ZSWIM5: variants seen among roughly 807,000 people sequenced by gnomAD.
ZSWIM5 encodes the protein zinc finger SWIM-type containing 5.
ZSWIM5 carries 55 observed loss-of-function variants against 119.6 expected under a neutral mutation model. That is an observed-to-expected ratio of 0.46 (90% CI 0.37 to 0.58). The LOEUF (loss-of-function observed/expected upper bound fraction) is 0.58, where lower values mean the gene tolerates loss of function less well. Among genes scored for constraint, ZSWIM5 ranks in the 20% least tolerant of loss-of-function variants. The pLI is 0.00. For synonymous variants in ZSWIM5, 537 were observed against 606.9 expected, an observed-to-expected ratio of 0.88 and a Z score of 1.69; for missense variants, 1,193 against 1,512.8, an observed-to-expected ratio of 0.79 and a Z score of 3.51.
At chr1:45,160,408 C>T (rs1041424021) in intron 1 of ZSWIM5, among the ~76,000 whole-genome samples, 2 of 152,148 alleles carry the variant, frequency 1.3e-5, no homozygotes, top group Non-Finnish European at 1.5e-5. Flanking sequence ...CTTCTATCAT[C>T]AACCTCTCTT....
rs1236398095 is a variant in ZSWIM5 at position 45,047,500 on chromosome 1, T to C, written c.1432+3574A>G. 2.6e-5 allele frequency among the ~76,000 whole-genome samples: 4 copies of C among 152,212 alleles called. No homozygotes were observed. In the East Asian group the frequency reaches 7.7e-4, roughly 29 times the overall value. ...GCACGTGGAGTCATGAGAGTGTTTT[T>C]TGTTTTGTTTTGGTATGGGAAATAT... On this transcript the variant is annotated intron_variant, in intron 5 of 13. Transcript: ENST00000359600.
chr1:45,061,349 T>C lies in ZSWIM5; in HGVS notation c.953-1102A>G, dbSNP rs1219985512. On this transcript the variant is annotated intron_variant, in intron 2 of 13. Transcript: ENST00000359600. ...AATTGTGTGTATATATGGGGTACAATGTAATGTTTTAATCTATGCATACTT... is the reference window on the plus strand; with the variant it reads ...AATTGTGTGTATATATGGGGTACAACGTAATGTTTTAATCTATGCATACTT... Among the ~76,000 whole-genome samples, 6 of 151,594 alleles carry C rather than the reference T, an allele frequency of 4.0e-5. No homozygotes were observed. The East Asian group carries it at 1.2e-3, about 30-fold the overall frequency.
chr1:45,172,400 G>C (rs1326567931), intron 1 of ZSWIM5, among the ~76,000 whole-genome samples: 5 of 152,108 alleles, frequency 3.3e-5, no homozygotes, highest in African/African-American at 4.8e-5. Flanking sequence ...CAAATTAGCA[G>C]TGCAGATATA....
At chr1:45,073,639 C>T (rs1016326344) in intron 2 of ZSWIM5, among the ~76,000 whole-genome samples, 3 of 151,718 alleles carry the variant, frequency 2.0e-5, no homozygotes, top group African/African-American at 4.9e-5. Flanking sequence ...TTGGTGGAGT[C>T]TTTAGGTTTT....
chr1:45,104,974 GC>G (rs1645461162), intron 1 of ZSWIM5, among the ~76,000 whole-genome samples: 1 of 152,196 alleles, frequency 6.6e-6, no homozygotes. Context: ...TTTCACTTGT[GC>G]CCCTACAAGG....
At chr1:45,155,131 A>G (rs1048698773) in intron 1 of ZSWIM5, among the ~76,000 whole-genome samples, 5 of 152,184 alleles carry the variant, frequency 3.3e-5, no homozygotes, top group Admixed American at 6.5e-5. Context: ...TTCACGATCT[A>G]TACATCCGAC....
rs970106948 is a variant in ZSWIM5, at chr1:45,088,905, G to GT, written c.596-669dup. Among the ~76,000 whole-genome samples, 13 of 152,028 alleles carry GT rather than the reference G, an allele frequency of 8.6e-5. No homozygotes were observed. Among genetic ancestry groups the GT allele is most frequent in the African/African-American group, 3.1e-4 (13 of 41,374 alleles). On this transcript the variant is annotated intron_variant, in intron 1 of 13. Coordinates refer to ENST00000359600, the MANE Select transcript of ZSWIM5 (RefSeq NM_020883.2). This position sits in a 1 kb window ranked among gnomAD's most constrained non-coding sequence, Gnocchi z 4.2. Reference sequence around the variant, plus strand: ...AATGTAGGGAGAACCCATTTTTAACGTAACAAAATTAAAAGATAAAATCAA... The same window carrying GT: ...AATGTAGGGAGAACCCATTTTTAACGTTAACAAAATTAAAAGATAAAATCAA...
chr1:45,095,576 C>T (rs575184923), intron 1 of ZSWIM5, among the ~76,000 whole-genome samples: 13 of 152,280 alleles, frequency 8.5e-5, no homozygotes, highest in African/African-American at 3.1e-4. Context: ...GTTCTAGAGA[C>T]TTGATGAGAT....
chr1:45,098,467 T>A (rs1255652710), intron 1 of ZSWIM5, among the ~76,000 whole-genome samples: 2 of 152,176 alleles, frequency 1.3e-5, no homozygotes, highest in Non-Finnish European at 2.9e-5. Flanking sequence ...TCCATAAACA[T>A]GAGCAGAAGG....
chr1:45,124,148 A>C (rs1187504701), intron 1 of ZSWIM5, among the ~76,000 whole-genome samples: 5 of 152,186 alleles, frequency 3.3e-5, no homozygotes, highest in African/African-American at 1.2e-4. Flanking sequence ...AAAAGAAGAT[A>C]TCTCAAAACA....
chr1:45,044,824 T>A lies in ZSWIM5; in HGVS notation c.1433-1429A>T, dbSNP rs1038871853. 2.2e-3 allele frequency among the ~76,000 whole-genome samples: 11 copies of A among 4,936 alleles called. 4 individuals are homozygous for A. In the East Asian group the frequency reaches 0.029, roughly 13 times the overall value. The allele number at this position is 4,936 out of a possible 152,430, so 3.2% of individuals were successfully genotyped here. ...ATATAAATATATATATATATATAAA[T>A]ATATATATATAAATATATATATATA... On this transcript the variant is annotated intron_variant, in intron 5 of 13. Transcript: ENST00000359600.
chr1:45,126,480 A>G (rs555419786), intron 1 of ZSWIM5, among the ~76,000 whole-genome samples: 4 of 152,306 alleles, frequency 2.6e-5, no homozygotes, highest in Admixed American at 2.6e-4. Context: ...ACCAAAACTC[A>G]TCCAGTAAGA....
chr1:45,112,428 T>C (rs1013109277), intron 1 of ZSWIM5, among the ~76,000 whole-genome samples: 2 of 152,198 alleles, frequency 1.3e-5, no homozygotes, highest in African/African-American at 4.8e-5. Context: ...CTTTATTTCA[T>C]TGTAGTGAGA....
At chr1:45,058,539 G>C (rs1645135508) in intron 4 of ZSWIM5, 70 bp downstream of exon 4, 2 of 1,577,254 alleles carry the variant, frequency 1.3e-6, no homozygotes, top group Admixed American at 3.4e-5. Flanking sequence ...TGATGGCAAG[G>C]GCTCATAAAC....
chr1:45,172,982 A>G (rs1266514691), intron 1 of ZSWIM5, among the ~76,000 whole-genome samples: 1 of 151,946 alleles, frequency 6.6e-6, no homozygotes, highest in Non-Finnish European at 1.5e-5. Context: ...TGGGAAACAC[A>G]GTGAGACCCA....
At chr1:45,185,028 A>C (rs528935850) in intron 1 of ZSWIM5, among the ~76,000 whole-genome samples, 193 of 152,164 alleles carry the variant, frequency 1.3e-3, no homozygotes, top group African/African-American at 4.6e-3. Context: ...ACCAAAACAG[A>C]ATGGTACTGG....
intron 1 of ZSWIM5, among the ~76,000 whole-genome samples, chr1:45,199,563 T>A (rs1156503148): frequency 6.6e-6 from 1 of 152,164 alleles, no homozygotes; most frequent in Non-Finnish European, 1.5e-5. Context: ...CCTACCAAAG[T>A]GCTGGGAGTG....
intron 5 of ZSWIM5, among the ~76,000 whole-genome samples, chr1:45,045,844 TA>T (rs1392209715): frequency 1.3e-5 from 2 of 152,100 alleles, no homozygotes; most frequent in Non-Finnish European, 2.9e-5. Flanking sequence ...GTATATCAGA[TA>T]TGTCGTACAG....
At chr1:45,069,143 T>G (rs1406099194) in intron 2 of ZSWIM5, among the ~76,000 whole-genome samples, 1 of 152,004 alleles carries the variant, frequency 6.6e-6, no homozygotes, top group Non-Finnish European at 1.5e-5. Context: ...TTCATGTTTT[T>G]GGGCCAGGCA....
Sources: allele counts gnomAD v4.1 joint callset (sites outside exome capture counted in the v4.1 genomes callset), GRCh38; gene constraint gnomAD v4.1.1; non-coding constraint Gnocchi (gnomAD v3.1); transcripts MANE v1.5; gene names NCBI Gene and HGNC (gene_info 2026-07-23, HGNC 2026-07-21).